Variants in ACYP2 observed in about 807,000 individuals in gnomAD.
The protein encoded by ACYP2 is acylphosphatase-2.
Under a neutral mutation model 11.2 loss-of-function variants are expected in ACYP2, and 12 were observed. The observed-to-expected ratio is 1.08, with a 90% CI of 0.69 to 1.74. The LOEUF is 1.74. Among genes scored for constraint, ACYP2 ranks in the 40% most tolerant of loss-of-function variants. ACYP2 has a pLI of 0.00. For missense variants in ACYP2, 134 were observed against 101.9 expected (o/e 1.31, Z -1.35); for synonymous variants, 43 against 32.2 (o/e 1.33, Z -1.13).
At chr2:54,135,692 C>G (rs1229807349) in intron 5 of ACYP2, among the ~76,000 whole-genome samples, 4 of 152,042 alleles carry the variant, frequency 2.6e-5, no homozygotes, top group Non-Finnish European at 5.9e-5. Context: ...TTTCTATATT[C>G]AAAAGTACCT....
chr2:54,106,425 C>T (rs1679164906), intron 4 of ACYP2, among the ~76,000 whole-genome samples: 2 of 152,050 alleles, frequency 1.3e-5, no homozygotes, highest in East Asian at 1.9e-4. Context: ...TATTTTTATA[C>T]TGCAAAAAGC....
intron 4 of ACYP2, among the ~76,000 whole-genome samples, chr2:54,132,278 C>A (rs181800563): frequency 6.6e-6 from 1 of 152,138 alleles, no homozygotes; most frequent in Non-Finnish European, 1.5e-5. Flanking sequence ...TCTGCTAATT[C>A]CTTTTATATC....
chr2:54,033,692 A>T (rs1674717002), intron 2 of ACYP2, among the ~76,000 whole-genome samples: 1 of 152,204 alleles, frequency 6.6e-6, no homozygotes, highest in African/African-American at 2.4e-5. Flanking sequence ...GCATTTTGGG[A>T]AGATCATTCT....
In ACYP2 at chr2:54,292,198, CT is replaced by C. The variant is rs963751889; in HGVS notation, c.405-12480del. ...AATTCTTATCCATAGCAAAACAAATCTTTTTTTTTTGGTAGATATAAAATTG... is the reference window on the plus strand; with the variant it reads ...AATTCTTATCCATAGCAAAACAAATCTTTTTTTTTGGTAGATATAAAATTG... On this transcript the variant is annotated intron_variant, in intron 6 of 6. Transcript: ENST00000607452. 2.2e-3 allele frequency among the ~76,000 whole-genome samples: 328 copies of C among 148,044 alleles called. 1 individual carries two copies. Among genetic ancestry groups the C allele is most frequent in the African/African-American group, 7.5e-3 (302 of 40,430 alleles).
chr2:54,096,147 C>A (rs1360685534), intron 4 of ACYP2, among the ~76,000 whole-genome samples: 1 of 145,680 alleles, frequency 6.9e-6, no homozygotes, highest in Admixed American at 6.8e-5. Flanking sequence ...GGGCTCCTCA[C>A]TTCTCGGACG....
chr2:54,266,845 G>A (rs1375448328), intron 6 of ACYP2, among the ~76,000 whole-genome samples: 1 of 151,726 alleles, frequency 6.6e-6, no homozygotes, highest in Non-Finnish European at 1.5e-5. Flanking sequence ...TCCTGACCTC[G>A]TGATCCGCCC....
intron 2 of ACYP2, among the ~76,000 whole-genome samples, chr2:53,985,263 G>T (rs1671978363): frequency 6.6e-6 from 1 of 151,906 alleles, no homozygotes; most frequent in Admixed American, 6.6e-5. Flanking sequence ...TAGAGACAGG[G>T]TTTCACATTT....
intron 6 of ACYP2, among the ~76,000 whole-genome samples, chr2:54,152,532 A>G (rs1465311511): frequency 6.6e-6 from 1 of 152,146 alleles, no homozygotes; most frequent in Admixed American, 6.5e-5. Context: ...TAAAAATCCC[A>G]TGTGCTCTGC....
intron 2 of ACYP2, among the ~76,000 whole-genome samples, chr2:54,011,233 G>C (rs1673354902): frequency 6.6e-6 from 1 of 152,056 alleles, no homozygotes; most frequent in Non-Finnish European, 1.5e-5. Context: ...AATAAAAATA[G>C]AATGCTTTCA....
At chr2:54,046,202 G>A (rs1044108903) in intron 2 of ACYP2, among the ~76,000 whole-genome samples, 10 of 143,296 alleles carry the variant, frequency 7.0e-5, no homozygotes, top group Middle Eastern at 3.6e-3. Context: ...AGGTCCAGGC[G>A]CAGTGGCTTA....
chr2:54,263,868 A>G (rs1687892776), intron 6 of ACYP2, among the ~76,000 whole-genome samples: 1 of 151,180 alleles, frequency 6.6e-6, no homozygotes, highest in Non-Finnish European at 1.5e-5. Flanking sequence ...TACAATCACT[A>G]GTTGAAACCA....
intron 6 of ACYP2, among the ~76,000 whole-genome samples, chr2:54,285,665 C>G (rs1395203610): frequency 6.6e-6 from 1 of 152,184 alleles, no homozygotes. Flanking sequence ...CAGAATAAAG[C>G]CTACATTGAC....
intron 6 of ACYP2, among the ~76,000 whole-genome samples, chr2:54,189,730 G>T (rs952109104): frequency 1.3e-5 from 2 of 152,162 alleles, no homozygotes; most frequent in African/African-American, 4.8e-5. Context: ...ACCCAGAAGA[G>T]AGATTGCTGG....
At position 54,138,695 on chromosome 2, in the gene ACYP2, C is replaced by G. The variant is rs918729265; in HGVS notation, c.351C>G (p.Ser117Arg). 23 of 1,613,964 alleles carry G rather than the reference C, an allele frequency of 1.4e-5. No individual in the cohort carries two copies. The African/African-American group carries it at 2.8e-4, about 20-fold the overall frequency. Residue 117 changes from serine (S) to arginine (R), a missense_variant, in exon 6 of 7, where the codon AGC becomes AGG. Transcript: ENST00000607452. ...TGGTTGGCTGGGTGAAGAATACCAG[C>G]AAAGGCACCGTGACAGGCCAAGTGC...
intron 6 of ACYP2, chr2:54,254,789 A>C: frequency 7.1e-6 from 6 of 847,286 alleles, no homozygotes; most frequent in Non-Finnish European, 9.0e-6. Flanking sequence ...AGAGAACGGA[A>C]AGTTTAAACA....
At chr2:54,194,054 T>A (rs1017256610) in intron 6 of ACYP2, among the ~76,000 whole-genome samples, 11 of 152,146 alleles carry the variant, frequency 7.2e-5, no homozygotes, top group African/African-American at 2.7e-4. Flanking sequence ...TTTTTTTCTT[T>A]TTGAGATGGA....
chr2:54,256,282 A>T, intron 6 of ACYP2: 1 of 983,248 alleles, frequency 1.0e-6, no homozygotes, highest in Non-Finnish European at 1.5e-6. Context: ...CGCGACACCC[A>T]CCCCTCAGTC....
chr2:54,126,098 A>C (rs370138112), intron 4 of ACYP2, among the ~76,000 whole-genome samples: 43 of 152,310 alleles, frequency 2.8e-4, no homozygotes, highest in Admixed American at 2.6e-3. Flanking sequence ...ATAAATAAAT[A>C]AAAATAAAAA....
intron 2 of ACYP2, among the ~76,000 whole-genome samples, chr2:53,992,420 A>G (rs1672345452): frequency 6.6e-6 from 1 of 152,234 alleles, no homozygotes; most frequent in African/African-American, 2.4e-5. Context: ...TTATAAGGGG[A>G]TAAGAATGAA....
Sources: gnomAD v4.1 joint callset for allele counts (sites outside exome capture counted in the v4.1 genomes callset) on GRCh38, gnomAD v4.1.1 for gene constraint, MANE v1.5 for transcripts, NCBI Gene and HGNC (gene_info 2026-07-23, HGNC 2026-07-21) for gene names.